PKD2: variants seen among roughly 807,000 people sequenced by gnomAD.
The protein encoded by PKD2 is polycystin 2, transient receptor potential cation channel.
PKD2 carries 48 observed loss-of-function variants against 105.9 expected under a neutral mutation model. That is an observed-to-expected ratio of 0.45 (90% CI 0.36 to 0.58). The LOEUF is 0.58. Among genes scored for constraint, PKD2 ranks in the 20% least tolerant of loss-of-function variants. The probability of loss-of-function intolerance (pLI) is 0.00; values close to 1 mark genes in which losing one functional copy is unlikely to be tolerated. For synonymous variants in PKD2, 464 were observed against 481.1 expected (o/e 0.96, Z 0.46); for missense variants, 1,078 against 1,255.3 (o/e 0.86, Z 2.13).
chr4:88,054,876 G>C (rs953186432), intron 7 of PKD2, among the ~76,000 whole-genome samples: 1 of 151,366 alleles, frequency 6.6e-6, no homozygotes, highest in African/African-American at 2.4e-5. Context: ...GGATGGTCTC[G>C]ATCTCCTGAC....
At position 88,073,001 on chromosome 4, in the gene PKD2, C is replaced by T. The variant is rs928792591; in HGVS notation, c.2523-1811C>T. 2.5e-4 allele frequency among the ~76,000 whole-genome samples: 36 copies of T among 143,456 alleles called. 1 individual carries two copies. Among genetic ancestry groups the T allele is most frequent in the African/African-American group, 7.6e-4 (29 of 37,912 alleles). 94.1% of individuals were successfully genotyped at this position (143,456 alleles called of 152,430 possible). ...AGTGAGTCAAGATTACACCATTGCA[C>T]GCCAGCCTGGGCAACAGAGTGAGAC... On this transcript the variant is annotated intron_variant, in intron 13 of 14. Coordinates refer to ENST00000237596, the MANE Select transcript of PKD2 (RefSeq NM_000297.4).
chr4:88,035,123 A>C (rs995885959), intron 2 of PKD2, among the ~76,000 whole-genome samples: 1 of 152,220 alleles, frequency 6.6e-6, no homozygotes, highest in African/African-American at 2.4e-5. Context: ...TGAAGAGGAA[A>C]CTGAAGCTCA....
chr4:88,070,435 G>A lies in PKD2; in HGVS notation c.2522+2374G>A, dbSNP rs191902374. 2.7e-3 allele frequency among the ~76,000 whole-genome samples: 416 copies of A among 151,520 alleles called. 1 individual carries two copies. Among genetic ancestry groups the A allele is most frequent in the Non-Finnish European group, 3.7e-3 (248 of 67,866 alleles). ...ATATTTCTCTTAGGCTCTGTTCGTC[G>A]TCATTTTTTTTCCCTCTCTGTTCCT... On this transcript the variant is annotated intron_variant, in intron 13 of 14. Transcript: ENST00000237596.
At position 88,057,546 on chromosome 4, in the gene PKD2, C is replaced by T. The variant is rs565650793; in HGVS notation, c.1899-437C>T. On this transcript the variant is annotated intron_variant, in intron 8 of 14. Coordinates refer to ENST00000237596, the MANE Select transcript of PKD2 (RefSeq NM_000297.4). ...TGCCTCCCGGGTTCAAGCGATTCTC[C>T]TGCCTCAGCCTCCCGAATAGCTGAG... is the stretch of plus-strand genomic sequence containing the variant. Among the ~76,000 whole-genome samples, 17 of 151,796 alleles carry T rather than the reference C, an allele frequency of 1.1e-4. No homozygotes were observed. In the East Asian group the frequency reaches 3.3e-3, roughly 29 times the overall value.
At chr4:88,032,532 C>T (rs1208488952) in intron 2 of PKD2, among the ~76,000 whole-genome samples, 1 of 152,130 alleles carries the variant, frequency 6.6e-6, no homozygotes, top group Admixed American at 6.5e-5. Flanking sequence ...GTGGTTAAGA[C>T]AAGGATTAAA....
intron 4 of PKD2, among the ~76,000 whole-genome samples, chr4:88,042,846 CTTT>C (rs1727621190): frequency 6.6e-6 from 1 of 152,174 alleles, no homozygotes. Flanking sequence ...ACTTGTCCCT[CTTT>C]TGGCTGTAAT....
At chr4:88,036,138 A>G in intron 2 of PKD2, 82 bp from the exon 3 acceptor site, 1 of 1,612,050 alleles carries the variant, frequency 6.2e-7, no homozygotes, top group Non-Finnish European at 8.5e-7. Context: ...ATCCACAGGA[A>G]CAATCCCTTT....
At chr4:88,022,027 C>G (rs1726768739) in intron 2 of PKD2, among the ~76,000 whole-genome samples, 1 of 152,152 alleles carries the variant, frequency 6.6e-6, no homozygotes, top group East Asian at 1.9e-4. Flanking sequence ...GATTCCTAAA[C>G]CAGACACTAC....
At chr4:88,025,675 G>A (rs1015662228) in intron 2 of PKD2, among the ~76,000 whole-genome samples, 4 of 152,014 alleles carry the variant, frequency 2.6e-5, no homozygotes, top group African/African-American at 9.7e-5. Flanking sequence ...CAAAAGTGAT[G>A]TGGTTTGACT....
chr4:88,011,094 C>G (rs944226725), intron 1 of PKD2, among the ~76,000 whole-genome samples: 2 of 152,148 alleles, frequency 1.3e-5, no homozygotes, highest in Admixed American at 6.5e-5. Flanking sequence ...TGAAGAGGGC[C>G]TGGACCAAAG....
chr4:88,040,268 G>T (rs757752542), intron 4 of PKD2, among the ~76,000 whole-genome samples: 3 of 152,020 alleles, frequency 2.0e-5, no homozygotes, highest in African/African-American at 7.3e-5. Context: ...TATTAATTGC[G>T]TCGTTAGGGT....
intron 5 of PKD2, among the ~76,000 whole-genome samples, chr4:88,045,828 A>G (rs1163922803): frequency 6.6e-6 from 1 of 152,166 alleles, no homozygotes; most frequent in Non-Finnish European, 1.5e-5. Flanking sequence ...TGGAGGACAA[A>G]CTATTTGATG....
intron 1 of PKD2, among the ~76,000 whole-genome samples, chr4:88,015,481 C>T (rs564473927): frequency 6.6e-6 from 1 of 151,552 alleles, no homozygotes; most frequent in Non-Finnish European, 1.5e-5. Flanking sequence ...GGTGTGATCT[C>T]GGCTCACTGT....
At chr4:88,046,153 G>T (rs1386829449) in intron 5 of PKD2, among the ~76,000 whole-genome samples, 7 of 152,032 alleles carry the variant, frequency 4.6e-5, no homozygotes, top group African/African-American at 1.7e-4. Context: ...AGTTGGGCAT[G>T]GTGCTGCACA....
intron 2 of PKD2, among the ~76,000 whole-genome samples, chr4:88,030,972 G>C (rs985324286): frequency 6.6e-6 from 1 of 152,180 alleles, no homozygotes; most frequent in Non-Finnish European, 1.5e-5. Flanking sequence ...TATACTGATG[G>C]TCCCCAACTT....
intron 10 of PKD2, among the ~76,000 whole-genome samples, chr4:88,064,123 C>T (rs1411819960): frequency 6.6e-6 from 1 of 152,132 alleles, no homozygotes; most frequent in Admixed American, 6.5e-5. Context: ...CCACTGCAAT[C>T]CAGCCAGGTG....
At chr4:88,030,484 C>T (rs192419237) in intron 2 of PKD2, among the ~76,000 whole-genome samples, 87 of 152,320 alleles carry the variant, frequency 5.7e-4, no homozygotes, top group Middle Eastern at 3.4e-3. Flanking sequence ...TGGCATTTTA[C>T]TTAAACGATC....
chr4:88,068,359 A>G (rs564428164), intron 13 of PKD2, among the ~76,000 whole-genome samples: 8 of 152,114 alleles, frequency 5.3e-5, no homozygotes, highest in African/African-American at 1.9e-4. Context: ...AATCCTAGCT[A>G]CTTGGGAGGC....
intron 13 of PKD2, among the ~76,000 whole-genome samples, chr4:88,069,051 TTATCTC>T (rs753245206): frequency 6.6e-6 from 1 of 152,224 alleles, no homozygotes; most frequent in Non-Finnish European, 1.5e-5. Flanking sequence ...GTTATCCACT[TTATCTC>T]TAGTAAAATT....
Sources: allele counts gnomAD v4.1 joint callset (sites outside exome capture counted in the v4.1 genomes callset), GRCh38; gene constraint gnomAD v4.1.1; transcripts MANE v1.5; gene names NCBI Gene and HGNC (gene_info 2026-07-23, HGNC 2026-07-21).